Variants in HSPBAP1 observed in about 807,000 individuals in gnomAD.
HSPBAP1 encodes HSPB1-associated protein 1.
A neutral mutation model predicts 45.2 loss-of-function variants in HSPBAP1; 27 were observed. The ratio of observed to expected loss-of-function variants is 0.60; its 90% CI spans 0.44 to 0.82. The LOEUF (loss-of-function observed/expected upper bound fraction) is 0.82, where lower values mean the gene tolerates loss of function less well. HSPBAP1 is among the 40% of genes least tolerant of loss of function. The pLI, the probability that HSPBAP1 is intolerant of heterozygous loss-of-function variation, is 0.00. For synonymous variants in HSPBAP1, 204 were observed against 202.7 expected (o/e 1.01, Z -0.06); for missense variants, 510 against 590.9 (o/e 0.86, Z 1.42).
At position 122,755,340 on chromosome 3, in the gene HSPBAP1, T is replaced by C. The variant is rs778758109; in HGVS notation, c.661A>G (p.Asn221Asp). 3 of 1,606,678 alleles carry C rather than the reference T, an allele frequency of 1.9e-6. No individual in the cohort carries two copies. The highest frequency in any genetic ancestry group is 2.7e-5 in the African/African-American group (2 of 74,186). The change falls in exon 5 of 8, where the codon AAT (asparagine) becomes GAT (aspartate). Residue 221 changes from asparagine to aspartate, a missense_variant. Asn to Asp is a conservative substitution (Grantham distance 23, BLOSUM62 1). Transcript: ENST00000306103. ...YEESSVFSKINVVNPDLKRFP... is the reference protein window; with the variant it reads ...YEESSVFSKIDVVNPDLKRFP... ...CGCTTTAAATCAGGATTGACAACAT[T>C]GATTTTACTGAACACACTAGATTCT...
chr3:122,756,148 C>G (rs940962944), intron 4 of HSPBAP1, among the ~76,000 whole-genome samples: 1 of 151,802 alleles, frequency 6.6e-6, no homozygotes, highest in Non-Finnish European at 1.5e-5. Flanking sequence ...AAAATGAGAC[C>G]CAGACATCTA....
chr3:122,785,621 C>T, intron 1 of HSPBAP1, among the ~76,000 whole-genome samples: 1 of 152,182 alleles, frequency 6.6e-6, no homozygotes, highest in East Asian at 1.9e-4. Context: ...CAATCTCTCT[C>T]CCCAGCTGTG....
chr3:122,742,729 G>A lies in HSPBAP1; in HGVS notation c.826-1616C>T, dbSNP rs6767863. On this transcript the variant is annotated intron_variant, in intron 6 of 7. Coordinates refer to ENST00000306103, the MANE Select transcript of HSPBAP1 (RefSeq NM_024610.6). The stretch of plus-strand genomic sequence containing the variant: ...GTTGAAGTCCTTAAGAGCAAAAACT[G>A]AGATGTCTTAGAGAAAAAAATTCTG... 1.2e-3 allele frequency among the ~76,000 whole-genome samples: 190 copies of A among 152,262 alleles called. 1 individual carries two copies. The highest frequency in any genetic ancestry group is 4.3e-3 in the African/African-American group (180 of 41,558).
At chr3:122,781,389 C>T (rs1935464724) in intron 1 of HSPBAP1, among the ~76,000 whole-genome samples, 1 of 152,196 alleles carries the variant, frequency 6.6e-6, no homozygotes, top group South Asian at 2.1e-4. Context: ...CCCGTCTCCA[C>T]CAAAAAAATA....
chr3:122,780,158 T>A, intron 1 of HSPBAP1, among the ~76,000 whole-genome samples: 1 of 62,002 alleles, frequency 1.6e-5, no homozygotes, highest in Admixed American at 1.5e-4. Flanking sequence ...ACCTCCCTCC[T>A]GGACGGGGCG....
At chr3:122,774,468 T>C (rs6787077) in intron 2 of HSPBAP1, among the ~76,000 whole-genome samples, 84,089 of 152,068 alleles carry the variant, frequency 0.55, 24,147 homozygotes, top group Non-Finnish European at 0.65. Flanking sequence ...TGAAAAATGC[T>C]TGTCTGGCCT....
chr3:122,750,553 A>ATCTATCTATCTATCTATCT (rs56143835), intron 6 of HSPBAP1, among the ~76,000 whole-genome samples: 1 of 86,410 alleles, frequency 1.2e-5, no homozygotes. Context: ...CTATCTATCT[A>ATCTATCTATCTATCTATCT]ATCTATCTAT....
chr3:122,774,216 G>A (rs981252625), intron 2 of HSPBAP1, among the ~76,000 whole-genome samples: 1 of 152,212 alleles, frequency 6.6e-6, no homozygotes, highest in African/African-American at 2.4e-5. Flanking sequence ...TGTGCTAAGT[G>A]TTACTAAGAA....
chr3:122,785,543 T>G (rs1410663391), intron 1 of HSPBAP1, among the ~76,000 whole-genome samples: 1 of 152,168 alleles, frequency 6.6e-6, no homozygotes. Flanking sequence ...CTTAGTAATT[T>G]CTTATCCACT....
In HSPBAP1 at chr3:122,768,862, A is replaced by G. The variant is rs767831428; in HGVS notation, c.271T>C (p.Cys91Arg). ...MSTVPQFETT[C>R]NYVEATLEEF... is the part of the protein sequence containing the mutation. ...TCGAGTGTAGCTTCTACGTAATTAC[A>G]TGTAGTTTCAAACTGAGGAACTGCA... The change falls in exon 3 of 8, where the codon TGT (cysteine) becomes CGT (arginine). Residue 91 changes from cysteine to arginine, a missense_variant. Coordinates refer to ENST00000306103, the MANE Select transcript of HSPBAP1 (RefSeq NM_024610.6). The G allele has an allele frequency of 6.2e-7, 1 of 1,610,588 alleles. No homozygotes were observed. The highest frequency in any genetic ancestry group is 2.2e-5 in the East Asian group (1 of 44,834).
At position 122,752,625 on chromosome 3, in the gene HSPBAP1, G is replaced by A. The variant is rs1185509069; in HGVS notation, c.791C>T (p.Pro264Leu). ...CCATGAGTTTATACTGACAGTGACA[G>A]GATCAATGGATTCTACGTAATGCCA... ...HWWHYVESIDPVTVSINSWIE... is the reference protein window; with the variant it reads ...HWWHYVESIDLVTVSINSWIE... The change falls in exon 6 of 8, where the codon CCT (proline) becomes CTT (leucine). Residue 264 changes from proline (P) to leucine (L), a missense_variant. Transcript: ENST00000306103. 3.1e-6 allele frequency: 5 copies of A among 1,604,056 alleles called. No individual in the cohort carries two copies. The highest frequency in any genetic ancestry group is 4.2e-6 in the Non-Finnish European group (5 of 1,176,774).
intron 6 of HSPBAP1, among the ~76,000 whole-genome samples, chr3:122,752,168 A>T (rs1254704420): frequency 6.6e-6 from 1 of 152,246 alleles, no homozygotes; most frequent in African/African-American, 2.4e-5. Context: ...CGCTTTGAGA[A>T]TATGTAGAAG....
intron 4 of HSPBAP1, among the ~76,000 whole-genome samples, chr3:122,756,548 A>G (rs1474932879): frequency 2.6e-5 from 4 of 152,076 alleles, no homozygotes; most frequent in Admixed American, 6.5e-5. Flanking sequence ...TTCTTAAAAA[A>G]TTAGCCAGGT....
intron 6 of HSPBAP1, among the ~76,000 whole-genome samples, chr3:122,749,212 G>A (rs929838177): frequency 6.6e-6 from 1 of 151,762 alleles, no homozygotes; most frequent in Non-Finnish European, 1.5e-5. Flanking sequence ...AACCAGAAAT[G>A]AATAAAAATG....
chr3:122,793,660 C>T lies in HSPBAP1; in HGVS notation c.21G>A (p.Ala7=), dbSNP rs369369072. 18 of 1,613,762 alleles carry T rather than the reference C, an allele frequency of 1.1e-5. No homozygotes were observed. The highest frequency in any genetic ancestry group is 1.5e-5 in the Non-Finnish European group (18 of 1,180,008). The change falls in exon 1 of 8, where the codon GCG becomes GCA. Residue 7 remains alanine (A), a synonymous_variant. Coordinates refer to ENST00000306103, the MANE Select transcript of HSPBAP1 (RefSeq NM_024610.6). ...CAGCCGCAACGATCACAGGAGTGGTCGCCTCGGAGCCTGCTGCCATGGCTA... is the reference window on the plus strand; with the variant it reads ...CAGCCGCAACGATCACAGGAGTGGTTGCCTCGGAGCCTGCTGCCATGGCTA... MAAGSE[A]TTPVIVAAGA...
chr3:122,771,980 G>C (rs1014393139), intron 2 of HSPBAP1, among the ~76,000 whole-genome samples: 55 of 152,236 alleles, frequency 3.6e-4, no homozygotes, highest in African/African-American at 1.3e-3. Flanking sequence ...AGGCTAATAA[G>C]TAGGTGCACA....
At chr3:122,740,977 C>G in intron 7 of HSPBAP1, 26 bp downstream of exon 7, 2 of 1,608,002 alleles carry the variant, frequency 1.2e-6, no homozygotes, top group Non-Finnish European at 8.5e-7. Flanking sequence ...AACTAACTGC[C>G]ATGATGAAGA....
At chr3:122,776,238 T>C (rs1034067601) in intron 2 of HSPBAP1, among the ~76,000 whole-genome samples, 5 of 152,262 alleles carry the variant, frequency 3.3e-5, no homozygotes, top group African/African-American at 1.2e-4. Flanking sequence ...ATGAATTGCA[T>C]ACTTTTAAAT....
Position 122,793,673 on chromosome 3 carries a change from G to C in HSPBAP1, c.8C>G (p.Ala3Gly), listed in dbSNP as rs775890980. Residue 3 changes from alanine to glycine, a missense_variant, in exon 1 of 8, where the codon GCA (alanine) becomes GGA (glycine). By Grantham distance (60) the Ala-to-Gly change is moderately conservative. Transcript: ENST00000306103. MA[A>G]GSEATTPVIV... ...CACAGGAGTGGTCGCCTCGGAGCCT[G>C]CTGCCATGGCTACCGCAAGGCGGGT... 6.2e-7 allele frequency: 1 copy of C among 1,613,790 alleles called. No individual in the cohort carries two copies. The highest frequency in any genetic ancestry group is 1.1e-5 in the South Asian group (1 of 91,076).
Sources: gnomAD v4.1 joint callset for allele counts (sites outside exome capture counted in the v4.1 genomes callset) on GRCh38, gnomAD v4.1.1 for gene constraint, MANE v1.5 for transcripts, NCBI Gene and HGNC (gene_info 2026-07-23, HGNC 2026-07-21) for gene names.